PTPRB: variants seen among roughly 807,000 people sequenced by gnomAD.
The protein encoded by PTPRB is protein tyrosine phosphatase receptor type B, also known as receptor-type tyrosine-protein phosphatase beta.
In PTPRB, 97 loss-of-function variants were observed where a neutral mutation model predicts 238.1. The observed-to-expected ratio is 0.41, with a 90% CI of 0.35 to 0.48. PTPRB has a LOEUF of 0.48. PTPRB is among the 20% of genes least tolerant of loss of function. The pLI, the probability that PTPRB is intolerant of heterozygous loss-of-function variation, is 0.30. For missense variants in PTPRB, 2,292 were observed against 2,681.9 expected, an observed-to-expected ratio of 0.85 and a Z score of 3.21; for synonymous variants, 970 against 995.4, an observed-to-expected ratio of 0.97 and a Z score of 0.48.
At chr12:70,590,342 A>G in intron 7 of PTPRB, 109 bp from the exon 8 acceptor site, 3 of 1,120,836 alleles carry the variant, frequency 2.7e-6, no homozygotes, top group Non-Finnish European at 3.7e-6. Context: ...CTGCAGTTCA[A>G]AACATTTCTA....
chr12:70,567,825 T>C (rs1430082616), intron 14 of PTPRB, among the ~76,000 whole-genome samples: 1 of 152,180 alleles, frequency 6.6e-6, no homozygotes, highest in Non-Finnish European at 1.5e-5. Flanking sequence ...CCTGGCCACA[T>C]GCCTCACATT....
intron 21 of PTPRB, among the ~76,000 whole-genome samples, chr12:70,551,905 C>T (rs1876936605): frequency 2.6e-5 from 4 of 152,118 alleles, no homozygotes. Context: ...GTGATGTTTC[C>T]TGGAGCCAAA....
rs552217263 is a variant in PTPRB at position 70,569,790 on chromosome 12, G to A, written c.3519C>T (p.Pro1173=). The change falls in exon 14 of 34, where the codon CCC becomes CCT. Residue 1173 remains proline, a synonymous_variant. Coordinates refer to ENST00000334414, the MANE Select transcript of PTPRB (RefSeq NM_001109754.4). ...HSQKVDSQTI[P]KHVFEHTFHR... ...GGAACGTGTGCTCAAAGACGTGCTT[G>A]GGAATAGTCTGAGAGTCAACCTTTT... The A allele has an allele frequency of 1.9e-6, 3 of 1,613,914 alleles. No individual in the cohort carries two copies. Among genetic ancestry groups the A allele is most frequent in the Non-Finnish European group, 2.5e-6 (3 of 1,179,872 alleles).
At chr12:70,613,768 C>T (rs978301433) in intron 3 of PTPRB, among the ~76,000 whole-genome samples, 1 of 152,166 alleles carries the variant, frequency 6.6e-6, no homozygotes, top group Non-Finnish European at 1.5e-5. Flanking sequence ...TCTCAACCAA[C>T]ATTTGCTGAA....
intron 9 of PTPRB, chr12:70,585,410 C>T (rs1047634366): frequency 1.3e-5 from 2 of 152,140 alleles, no homozygotes; most frequent in African/African-American, 4.8e-5. Context: ...GCTCTGTGTC[C>T]CCACCCAAAT....
rs2136381235 is a variant in PTPRB, at chr12:70,572,053, G to A, written c.2877C>T (p.Asn959=). ...CCCTTAAATAGTCACTCCTGGCTGAGTTGCTAACACTGACTCCCTGGACTT... is the reference window on the plus strand; with the variant it reads ...CCCTTAAATAGTCACTCCTGGCTGAATTGCTAACACTGACTCCCTGGACTT... ...PDKVQGVSVS[N]SARSDYLRVS... is the part of the protein sequence containing the mutation. Residue 959 remains asparagine (N), a synonymous_variant, in exon 12 of 34, where the codon AAC becomes AAT. Coordinates refer to ENST00000334414, the MANE Select transcript of PTPRB (RefSeq NM_001109754.4). The A allele has an allele frequency of 6.2e-7, 1 of 1,613,522 alleles. No individual in the cohort carries two copies. Among genetic ancestry groups the A allele is most frequent in the East Asian group, 2.2e-5 (1 of 44,880 alleles).
At position 70,518,127 on chromosome 12, in the gene PTPRB, C is replaced by A. The variant is rs1871332055; in HGVS notation, c.*3362G>T. ...CCCGAAAATGTCTGTGTGCTGTGTGCCTTTTAGTATTTAAAAGTGAATTGG... is the reference window on the plus strand; with the variant it reads ...CCCGAAAATGTCTGTGTGCTGTGTGACTTTTAGTATTTAAAAGTGAATTGG... On this transcript the variant is annotated 3_prime_UTR_variant, in exon 34 of 34. Coordinates refer to ENST00000334414, the MANE Select transcript of PTPRB (RefSeq NM_001109754.4). 2 of 152,104 alleles carry A rather than the reference C, an allele frequency of 1.3e-5. No individual in the cohort carries two copies. Among genetic ancestry groups the A allele is most frequent in the Non-Finnish European group, 2.9e-5 (2 of 68,028 alleles). The allele number at this position is 152,104 out of a possible 1,614,324, so 9.4% of individuals were successfully genotyped here.
At chr12:70,586,905 C>G (rs1188017110) in intron 9 of PTPRB, 102 bp downstream of exon 9, 14 of 1,140,542 alleles carry the variant, frequency 1.2e-5, no homozygotes. Context: ...AAAGCAATGC[C>G]CAGTACATAA....
chr12:70,625,846 C>T (rs1035217299), intron 2 of PTPRB, among the ~76,000 whole-genome samples: 31 of 152,050 alleles, frequency 2.0e-4, no homozygotes, highest in African/African-American at 6.3e-4. Flanking sequence ...AAGGTAAGGT[C>T]GACCATTCTT....
At chr12:70,540,396 C>G (rs555777415) in intron 23 of PTPRB, 1 of 206,754 alleles carries the variant, frequency 4.8e-6, no homozygotes, top group Non-Finnish European at 9.7e-6. Flanking sequence ...GAAGAAGGCA[C>G]GACACTTGGG....
In PTPRB at chr12:70,517,842, T is replaced by G. The variant is rs917942048; in HGVS notation, c.*3647A>C. Reference sequence around the variant, plus strand: ...TTTCAGGATTCCAACCTCAAAGAATTCTTAGAAAGCTAAGTGAATGAGAAT... The same window carrying G: ...TTTCAGGATTCCAACCTCAAAGAATGCTTAGAAAGCTAAGTGAATGAGAAT... On this transcript the variant is annotated 3_prime_UTR_variant, in exon 34 of 34. Coordinates refer to ENST00000334414, the MANE Select transcript of PTPRB (RefSeq NM_001109754.4). 3 of 152,154 alleles carry G rather than the reference T, an allele frequency of 2.0e-5. No individual in the cohort carries two copies. Among genetic ancestry groups the G allele is most frequent in the Non-Finnish European group, 4.4e-5 (3 of 68,038 alleles). The allele number at this position is 152,154 out of a possible 1,614,324, so 9.4% of individuals were successfully genotyped here.
intron 15 of PTPRB, 63 bp downstream of exon 15, chr12:70,566,372 G>C: frequency 6.4e-7 from 1 of 1,555,666 alleles, no homozygotes; most frequent in Non-Finnish European, 8.7e-7. Flanking sequence ...CTCACCCTGG[G>C]GTTCTTACAC....
At chr12:70,526,094 G>T (rs1872392270) in intron 32 of PTPRB, among the ~76,000 whole-genome samples, 1 of 152,110 alleles carries the variant, frequency 6.6e-6, no homozygotes, top group African/African-American at 2.4e-5. Context: ...TATTTTTATG[G>T]GTTGGCACTA....
intron 3 of PTPRB, among the ~76,000 whole-genome samples, chr12:70,618,714 C>T (rs948251240): frequency 2.6e-5 from 4 of 152,188 alleles, no homozygotes; most frequent in African/African-American, 2.4e-5. Flanking sequence ...CCTGTTCTAT[C>T]GATTTTGTCC....
rs1871491210 is a variant in PTPRB, at chr12:70,519,944, G to A, written c.*1545C>T. The stretch of plus-strand genomic sequence containing the variant: ...ATTATAAAGAACTATTTTAGGTATA[G>A]TCAATGATTTTCAATTATTATGTCA... On this transcript the variant is annotated 3_prime_UTR_variant, in exon 34 of 34. Transcript: ENST00000334414. 1 of 194,904 alleles carries A rather than the reference G, an allele frequency of 5.1e-6. No individual in the cohort carries two copies. The highest frequency in any genetic ancestry group is 1.1e-5 in the Non-Finnish European group (1 of 93,450). 12.1% of individuals were successfully genotyped at this position (194,904 alleles called of 1,614,324 possible). A position where few individuals can be genotyped will look rare whatever the true frequency, so the allele number is the denominator to read the frequency against.
intron 2 of PTPRB, among the ~76,000 whole-genome samples, chr12:70,633,544 A>AC (rs143262404): frequency 1.6e-4 from 22 of 138,558 alleles, no homozygotes; most frequent in Admixed American, 6.9e-5. Context: ...TAATTGTGTT[A>AC]AAGCAAAAGT....
In PTPRB at chr12:70,552,988, G is replaced by A. The variant is rs1458386356; in HGVS notation, c.5176C>T (p.Pro1726Ser). 3.1e-6 allele frequency: 5 copies of A among 1,613,730 alleles called. No homozygotes were observed. The change falls in exon 21 of 34, where the codon CCT (proline) becomes TCT (serine). Residue 1726 changes from proline (P) to serine (S), a missense_variant. Physicochemically the swap from Pro to Ser is moderately conservative, Grantham distance 74. Transcript: ENST00000334414. Reference sequence around the variant, plus strand: ...CTGTACTCCAGGTAGGAAGGGAGAGGGTGCTGCTGTTCTGGCTTCAGCTCA... The same window carrying A: ...CTGTACTCCAGGTAGGAAGGGAGAGAGTGCTGCTGTTCTGGCTTCAGCTCA... The part of the protein sequence containing the change: ...SDELKPEQQH[P>S]LPSYLEYRHN...
intron 3 of PTPRB, chr12:70,609,847 A>AG: frequency 6.4e-7 from 1 of 1,558,920 alleles, no homozygotes; most frequent in East Asian, 2.4e-5. Flanking sequence ...GAGGAGACCG[A>AG]GGGGGCTGGA....
chr12:70,533,133 A>G (rs1873552367), intron 31 of PTPRB, among the ~76,000 whole-genome samples: 1 of 152,182 alleles, frequency 6.6e-6, no homozygotes, highest in Admixed American at 6.5e-5. Context: ...CTTCAGCTGC[A>G]CTAGGGATTG....
Sources: gnomAD v4.1 joint callset for allele counts (sites outside exome capture counted in the v4.1 genomes callset) on GRCh38, gnomAD v4.1.1 for gene constraint, MANE v1.5 for transcripts, NCBI Gene and HGNC (gene_info 2026-07-23, HGNC 2026-07-21) for gene names.